The following SORT1 variants were observed in gnomAD, a reference collection of about 807,000 sequenced individuals.
SORT1 encodes the protein sortilin 1, also known as sortilin.
Under a neutral mutation model 101.7 loss-of-function variants are expected in SORT1, and 39 were observed. The ratio of observed to expected loss-of-function variants is 0.38; its 90% confidence interval spans 0.30 to 0.50. SORT1 has a LOEUF of 0.50. Among genes scored for constraint, SORT1 ranks in the 20% least tolerant of loss-of-function variants. The pLI is 0.90. For missense variants in SORT1, 878 were observed against 1,040.4 expected (o/e 0.84, Z 2.15); for synonymous variants, 396 against 393.7 (o/e 1.01, Z -0.07).
chr1:109,317,336 T>C (rs1647285731), intron 16 of SORT1, among the ~76,000 whole-genome samples: 1 of 152,170 alleles, frequency 6.6e-6, no homozygotes, highest in African/African-American at 2.4e-5. Context: ...CTACTTAAAA[T>C]TGATTAAAAC....
At chr1:109,396,454 T>A (rs1653181073) in intron 1 of SORT1, among the ~76,000 whole-genome samples, 1 of 152,186 alleles carries the variant, frequency 6.6e-6, no homozygotes, top group Admixed American at 6.5e-5. Context: ...TGTCTCACCC[T>A]CCAGCACTAG....
At chr1:109,377,853 A>T (rs140304710) in intron 1 of SORT1, among the ~76,000 whole-genome samples, 1 of 152,302 alleles carries the variant, frequency 6.6e-6, no homozygotes, top group East Asian at 1.9e-4. Context: ...ATTTTCAAAG[A>T]ACACCACAAA....
At chr1:109,372,757 G>C (rs1651562877) in intron 1 of SORT1, among the ~76,000 whole-genome samples, 1 of 152,020 alleles carries the variant, frequency 6.6e-6, no homozygotes. Context: ...AAATTAGCCG[G>C]GCGTGGTGGC....
intron 9 of SORT1, 62 bp downstream of exon 9, chr1:109,341,948 AAAAT>A: frequency 6.7e-7 from 1 of 1,487,100 alleles, no homozygotes; most frequent in Non-Finnish European, 9.4e-7. Flanking sequence ...TCGACATGTA[AAAAT>A]AAAAGCTGCT....
chr1:109,341,908 C>A, intron 9 of SORT1, 106 bp downstream of exon 9: 1 of 1,060,902 alleles, frequency 9.4e-7, no homozygotes, highest in Non-Finnish European at 1.4e-6. Context: ...CAGTAGGGCA[C>A]TAATAAATTT....
rs566345675 is a variant in SORT1, at chr1:109,353,259, C to T, written c.708+1108G>A. Among the ~76,000 whole-genome samples the T allele has an allele frequency of 1.1e-4, 15 of 141,128 alleles. No homozygotes were observed. In the East Asian group the frequency reaches 3.0e-3, roughly 29 times the overall value. 92.6% of individuals were successfully genotyped at this position (141,128 alleles called of 152,430 possible). A position where few individuals can be genotyped will look rare whatever the true frequency, so the allele number is the denominator to read the frequency against. ...AGGAGAAGCACTTGTACCCGGGAGG[C>T]GGAGGTTGCAGTGAGACCAGATTGA... On this transcript the variant is annotated intron_variant, in intron 5 of 19. Transcript: ENST00000256637.
chr1:109,362,891 G>A (rs1030367626), intron 3 of SORT1, among the ~76,000 whole-genome samples: 1 of 151,876 alleles, frequency 6.6e-6, no homozygotes, highest in Non-Finnish European at 1.5e-5. Context: ...ACAATCTACT[G>A]CAGTGAAAAC....
chr1:109,380,253 ACTGTACTCCAG>A (rs1194329456), intron 1 of SORT1, among the ~76,000 whole-genome samples: 2 of 152,072 alleles, frequency 1.3e-5, no homozygotes, highest in Admixed American at 6.6e-5. Context: ...TGATGGCACC[ACTGTACTCCAG>A]CCTGGGTGAC....
chr1:109,334,402 AG>A (rs1185554643), intron 11 of SORT1, among the ~76,000 whole-genome samples: 1 of 152,210 alleles, frequency 6.6e-6, no homozygotes, highest in African/African-American at 2.4e-5. Context: ...TGAACCTGGG[AG>A]GCATTATGTT....
In SORT1 at chr1:109,345,413, G is replaced by T. The variant is rs536164645; in HGVS notation, c.963+338C>A. On this transcript the variant is annotated intron_variant, in intron 8 of 19. Coordinates refer to ENST00000256637, the MANE Select transcript of SORT1 (RefSeq NM_002959.7). ...ACCTATAGTCCCACTTACTTGGGAG[G>T]TTGAGGCAGGTGAATTGCTTTAATC... 2.6e-5 allele frequency among the ~76,000 whole-genome samples: 4 copies of T among 152,234 alleles called. No homozygotes were observed. The East Asian group carries it at 7.7e-4, about 29-fold the overall frequency.
chr1:109,316,243 A>AGTC (rs1338977386), intron 17 of SORT1, among the ~76,000 whole-genome samples: 1 of 149,898 alleles, frequency 6.7e-6, no homozygotes, highest in Non-Finnish European at 1.5e-5. Flanking sequence ...TTTGGTACGG[A>AGTC]GTCTTGCTCT....
At chr1:109,371,656 G>A (rs1651488497) in intron 1 of SORT1, among the ~76,000 whole-genome samples, 1 of 152,128 alleles carries the variant, frequency 6.6e-6, no homozygotes, top group Non-Finnish European at 1.5e-5. Context: ...TTTTCCTATT[G>A]CTCAACTACA....
intron 1 of SORT1, among the ~76,000 whole-genome samples, chr1:109,372,641 G>C (rs776946700): frequency 6.6e-6 from 1 of 151,994 alleles, no homozygotes; most frequent in Non-Finnish European, 1.5e-5. Flanking sequence ...AGAATGGGCC[G>C]GGCGCGGTGG....
intron 8 of SORT1, among the ~76,000 whole-genome samples, chr1:109,343,695 C>T (rs1288288250): frequency 6.6e-6 from 1 of 152,148 alleles, no homozygotes; most frequent in East Asian, 1.9e-4. Flanking sequence ...GTTTCCCAGG[C>T]TGGAGTGCAG....
At position 109,311,705 on chromosome 1, in the gene SORT1, A is replaced by G. The variant is rs935004568; in HGVS notation, c.*2338T>C. ...TGTTTTCAGCCATGAAAGACAGGAAAATACAATTTTCTGTTCACCAAGGTG... is the reference window on the plus strand; with the variant it reads ...TGTTTTCAGCCATGAAAGACAGGAAGATACAATTTTCTGTTCACCAAGGTG... On this transcript the variant is annotated 3_prime_UTR_variant, in exon 20 of 20. Coordinates refer to ENST00000256637, the MANE Select transcript of SORT1 (RefSeq NM_002959.7). 2.6e-5 allele frequency: 4 copies of G among 152,242 alleles called. No individual in the cohort carries two copies. The highest frequency in any genetic ancestry group is 9.6e-5 in the African/African-American group (4 of 41,458). 9.4% of individuals were successfully genotyped at this position (152,242 alleles called of 1,614,324 possible). A position where few individuals can be genotyped will look rare whatever the true frequency, so the allele number is the denominator to read the frequency against.
chr1:109,336,873 C>T (rs974161879), intron 10 of SORT1, among the ~76,000 whole-genome samples: 1 of 151,820 alleles, frequency 6.6e-6, no homozygotes, highest in African/African-American at 2.4e-5. Flanking sequence ...CCAATTAATT[C>T]CACAAATTAT....
intron 1 of SORT1, among the ~76,000 whole-genome samples, chr1:109,378,436 T>C (rs777096480): frequency 2.6e-5 from 4 of 151,686 alleles, no homozygotes; most frequent in African/African-American, 7.3e-5. Context: ...TGATGATACA[T>C]AGGCCTGAAA....
In SORT1 at chr1:109,354,551, T is replaced by C. The variant is rs760264563; in HGVS notation, c.544-20A>G. 6.2e-7 allele frequency: 1 copy of C among 1,601,226 alleles called. No homozygotes were observed. Among genetic ancestry groups the C allele is most frequent in the Non-Finnish European group, 8.5e-7 (1 of 1,169,988 alleles). ...CACCACCTGATAGGAAGAGGAAAGA[T>C]CTGATTCAGGGTATGATACTATCTA... On this transcript the variant is annotated intron_variant, in intron 4 of 19. Coordinates refer to ENST00000256637, the MANE Select transcript of SORT1 (RefSeq NM_002959.7).
chr1:109,378,847 A>G (rs1162808867), intron 1 of SORT1, among the ~76,000 whole-genome samples: 3 of 149,098 alleles, frequency 2.0e-5, no homozygotes, highest in South Asian at 2.1e-4. Flanking sequence ...CTGGTAAACA[A>G]TAACTGGAGG....
Sources: gnomAD v4.1 joint callset for allele counts (sites outside exome capture counted in the v4.1 genomes callset) on GRCh38, gnomAD v4.1.1 for gene constraint, MANE v1.5 for transcripts, NCBI Gene and HGNC (gene_info 2026-07-23, HGNC 2026-07-21) for gene names.